Variants in CSMD1 observed in about 807,000 individuals in gnomAD.
CSMD1 encodes the protein CUB and sushi domain-containing protein 1.
CSMD1 carries 213 observed loss-of-function variants against 417.5 expected under a neutral mutation model. The observed-to-expected ratio is 0.51, with a 90% CI of 0.46 to 0.57. The LOEUF is 0.57. Among genes scored for constraint, CSMD1 ranks in the 20% least tolerant of loss-of-function variants. The pLI is 0.00. For missense variants in CSMD1, 6,923 were observed against 4,529.7 expected (o/e 1.53, Z -15.17); for synonymous variants, 2,862 against 1,736.8 (o/e 1.65, Z -16.11).
intron 4 of CSMD1, among the ~76,000 whole-genome samples, chr8:4,001,670 T>G (rs533014591): frequency 1.3e-3 from 191 of 152,238 alleles, no homozygotes; most frequent in African/African-American, 4.4e-3. Context: ...ATCTACATTT[T>G]CCTAGAATTT....
chr8:4,985,564 T>A (rs888678333), intron 1 of CSMD1, among the ~76,000 whole-genome samples: 1 of 152,178 alleles, frequency 6.6e-6, no homozygotes, highest in African/African-American at 2.4e-5. Flanking sequence ...AAGGATCATA[T>A]CAGACTAAAA....
intron 5 of CSMD1, among the ~76,000 whole-genome samples, chr8:3,920,363 G>T (rs1454053072): frequency 6.6e-6 from 1 of 151,946 alleles, no homozygotes; most frequent in Non-Finnish European, 1.5e-5. Flanking sequence ...GTGTGTTTGT[G>T]TGTGTGTGTG....
At chr8:4,587,450 CATATATATGTATATGTAG>C (rs1399583859) in intron 2 of CSMD1, among the ~76,000 whole-genome samples, 1 of 135,866 alleles carries the variant, frequency 7.4e-6, no homozygotes, top group Admixed American at 7.3e-5. Context: ...TGTATATGTA[CATATATATGTATATGTAG>C]ATACATATGT....
chr8:3,564,622 G>C (rs1193196677), intron 10 of CSMD1, among the ~76,000 whole-genome samples: 1 of 143,368 alleles, frequency 7.0e-6, no homozygotes, highest in East Asian at 2.0e-4. Context: ...TCCAAGAGGA[G>C]GCAGTAAAAA....
chr8:4,172,497 A>C (rs911949937), intron 3 of CSMD1, among the ~76,000 whole-genome samples: 1 of 152,142 alleles, frequency 6.6e-6, no homozygotes, highest in African/African-American at 2.4e-5. Context: ...TTAAAAAAAA[A>C]AACTGAAGGA....
At chr8:4,634,378 T>C (rs555338713) in intron 2 of CSMD1, among the ~76,000 whole-genome samples, 2 of 152,248 alleles carry the variant, frequency 1.3e-5, no homozygotes, top group South Asian at 4.1e-4. Context: ...TTAAGTTTAT[T>C]TCGAAAAAAA....
intron 1 of CSMD1, among the ~76,000 whole-genome samples, chr8:4,878,271 G>A (rs1171558940): frequency 1.3e-5 from 2 of 151,998 alleles, no homozygotes; most frequent in African/African-American, 4.8e-5. Flanking sequence ...AATTAATGGT[G>A]CTTTCTTGAC....
At chr8:3,522,607 C>G (rs1236694565) in intron 10 of CSMD1, among the ~76,000 whole-genome samples, 8 of 152,030 alleles carry the variant, frequency 5.3e-5, no homozygotes, top group African/African-American at 1.9e-4. Context: ...GCAGCCCACA[C>G]TCCAAGAAGG....
At chr8:4,000,147 T>A (rs1315163232) in intron 4 of CSMD1, among the ~76,000 whole-genome samples, 1 of 151,996 alleles carries the variant, frequency 6.6e-6, no homozygotes, top group Middle Eastern at 3.2e-3. Context: ...CACACTTCCC[T>A]GGTCAACTGA....
chr8:3,777,474 T>C (rs1798954864), intron 5 of CSMD1, among the ~76,000 whole-genome samples: 1 of 152,160 alleles, frequency 6.6e-6, no homozygotes, highest in South Asian at 2.1e-4. Context: ...TCTGGTGTCC[T>C]GCTACTCTAA....
chr8:3,374,190 GT>G (rs1563323657), intron 18 of CSMD1, among the ~76,000 whole-genome samples: 1 of 74,976 alleles, frequency 1.3e-5, no homozygotes, highest in Non-Finnish European at 2.5e-5. Context: ...CTGACCTCAA[GT>G]CATCTACCTG....
At chr8:3,841,021 T>A (rs114372538) in intron 5 of CSMD1, among the ~76,000 whole-genome samples, 60 of 152,162 alleles carry the variant, frequency 3.9e-4, no homozygotes, top group African/African-American at 1.4e-3. Flanking sequence ...ATCTCAATTC[T>A]TTGGTACATG....
At chr8:3,563,380 T>C (rs1218008333) in intron 10 of CSMD1, among the ~76,000 whole-genome samples, 2 of 68,690 alleles carry the variant, frequency 2.9e-5, no homozygotes, top group South Asian at 4.1e-4. Flanking sequence ...CGACAAATAC[T>C]AAAAATGAGA....
chr8:3,778,902 G>A (rs1799031884), intron 5 of CSMD1, among the ~76,000 whole-genome samples: 1 of 152,198 alleles, frequency 6.6e-6, no homozygotes, highest in African/African-American at 2.4e-5. Context: ...TAGGACAGGA[G>A]TTCCCGGATC....
chr8:3,472,048 T>C (rs988646294), intron 11 of CSMD1, among the ~76,000 whole-genome samples: 1 of 152,086 alleles, frequency 6.6e-6, no homozygotes, highest in African/African-American at 2.4e-5. Context: ...CCATGCAACA[T>C]GACTCTACTG....
At chr8:4,988,792 T>A (rs778778401) in intron 1 of CSMD1, among the ~76,000 whole-genome samples, 1 of 152,358 alleles carries the variant, frequency 6.6e-6, no homozygotes, top group African/African-American at 2.4e-5. Flanking sequence ...GAGAACTGTT[T>A]CACACTCTGC....
At chr8:4,436,979 T>A (rs1798184554) in intron 2 of CSMD1, among the ~76,000 whole-genome samples, 2 of 152,172 alleles carry the variant, frequency 1.3e-5, no homozygotes, top group African/African-American at 2.4e-5. Flanking sequence ...CAATTTGAAT[T>A]TCTTGCTCAG....
At chr8:3,839,667 A>G (rs1463387505) in intron 5 of CSMD1, among the ~76,000 whole-genome samples, 1 of 147,870 alleles carries the variant, frequency 6.8e-6, no homozygotes, top group Non-Finnish European at 1.5e-5. Flanking sequence ...AAAAAAAAAA[A>G]AGAATCTATC....
intron 18 of CSMD1, among the ~76,000 whole-genome samples, chr8:3,379,522 A>G (rs1810505567): frequency 6.6e-6 from 1 of 152,212 alleles, no homozygotes; most frequent in African/African-American, 2.4e-5. Context: ...AGTAACAAAA[A>G]CAGCAAGGTA....
Sources: gnomAD v4.1 joint callset for allele counts (sites outside exome capture counted in the v4.1 genomes callset) on GRCh38, gnomAD v4.1.1 for gene constraint, MANE v1.5 for transcripts, NCBI Gene and HGNC (gene_info 2026-07-23, HGNC 2026-07-21) for gene names.